WFDC1: variants seen among roughly 807,000 people sequenced by gnomAD.
The protein encoded by WFDC1 is WAP four-disulfide core domain protein 1.
In WFDC1, 39 loss-of-function variants were observed where a neutral mutation model predicts 32.9. The ratio of observed to expected loss-of-function variants is 1.19; its 90% CI spans 0.92 to 1.55. WFDC1 has a LOEUF of 1.55. Ranked by LOEUF, WFDC1 falls within the 40% of genes most tolerant of loss-of-function variation. WFDC1 has a pLI of 0.00. For missense variants in WFDC1, 386 were observed against 309.5 expected (o/e 1.25, Z -1.85); for synonymous variants, 184 against 137.4 (o/e 1.34, Z -2.37).
Position 84,319,578 on chromosome 16 carries a change from G to T in WFDC1, c.562+7G>T, listed in dbSNP as rs749695073. Reference sequence around the variant, plus strand: ...AAGCAGCGCCGGCAAGCAGGTGAGTGTGGCACCCCAGCCCTGATCCTGGCT... The same window carrying T: ...AAGCAGCGCCGGCAAGCAGGTGAGTTTGGCACCCCAGCCCTGATCCTGGCT... On this transcript the variant is annotated splice_region_variant and intron_variant, in intron 4 of 6. Coordinates refer to ENST00000219454, the MANE Select transcript of WFDC1 (RefSeq NM_021197.4). 3.1e-6 allele frequency: 5 copies of T among 1,611,410 alleles called. No homozygotes were observed. Among genetic ancestry groups the T allele is most frequent in the South Asian group, 1.1e-5 (1 of 91,038 alleles).
At chr16:84,299,304 G>A (rs565180190) in intron 1 of WFDC1, among the ~76,000 whole-genome samples, 1 of 152,164 alleles carries the variant, frequency 6.6e-6, no homozygotes, top group South Asian at 2.1e-4. Context: ...GGCGGAGGTT[G>A]CGGTGAGCCG....
At chr16:84,327,689 A>G (rs1002418030) in intron 6 of WFDC1, 1 of 152,214 alleles carries the variant, frequency 6.6e-6, no homozygotes, top group Non-Finnish European at 1.5e-5. Context: ...ATCCCTCTGA[A>G]TCAAAAATCC....
At chr16:84,316,897 G>C (rs945477967) in intron 2 of WFDC1, 1 of 151,948 alleles carries the variant, frequency 6.6e-6, no homozygotes, top group Non-Finnish European at 1.5e-5. Context: ...AGACTCGCTT[G>C]AACCCGGAAG....
chr16:84,319,259 C>G, intron 3 of WFDC1, 172 bp from the exon 4 acceptor site: 1 of 788,238 alleles, frequency 1.3e-6, no homozygotes, highest in East Asian at 2.7e-5. Flanking sequence ...TGCCACATGC[C>G]GCTGAGTGAG....
chr16:84,300,133 C>T (rs2151365900), intron 1 of WFDC1, among the ~76,000 whole-genome samples: 1 of 152,362 alleles, frequency 6.6e-6, no homozygotes, highest in East Asian at 1.9e-4. Flanking sequence ...TGAGTTCTGA[C>T]CTTCACCTTC....
intron 4 of WFDC1, among the ~76,000 whole-genome samples, chr16:84,322,845 C>G (rs1908387412): frequency 6.6e-6 from 1 of 152,198 alleles, no homozygotes; most frequent in Admixed American, 6.5e-5. Flanking sequence ...AGAAGCTGAG[C>G]TGCGGGGGCT....
In WFDC1 at chr16:84,298,828, G is replaced by A. The variant is rs182766694; in HGVS notation, c.144+3713G>A. Among the ~76,000 whole-genome samples, 257 of 152,268 alleles carry A rather than the reference G, an allele frequency of 1.7e-3. 4 individuals are homozygous for A. The highest frequency in any genetic ancestry group is 6.8e-3 in the Middle Eastern group (2 of 294). On this transcript the variant is annotated intron_variant, in intron 1 of 6. Coordinates refer to ENST00000219454, the MANE Select transcript of WFDC1 (RefSeq NM_021197.4). ...ATGAGCACGCTTGCCTTCCATTCCC[G>A]TGGGAGGCCCTTAGGAGAAGCTTCT...
chr16:84,295,454 G>C, intron 1 of WFDC1: 2 of 471,408 alleles, frequency 4.2e-6, no homozygotes, highest in South Asian at 4.6e-5. Flanking sequence ...CCGTCTCCCT[G>C]ATCAGTACCA....
At chr16:84,296,617 C>T (rs1906613279) in intron 1 of WFDC1, among the ~76,000 whole-genome samples, 1 of 152,128 alleles carries the variant, frequency 6.6e-6, no homozygotes, top group Non-Finnish European at 1.5e-5. Flanking sequence ...CTCCAGGGCT[C>T]ATATTCTCCA....
chr16:84,314,483 G>A (rs1434461842), intron 2 of WFDC1, among the ~76,000 whole-genome samples: 1 of 152,152 alleles, frequency 6.6e-6, no homozygotes, highest in Non-Finnish European at 1.5e-5. Context: ...ATTAGGGAAG[G>A]CGGCTCGAGA....
intron 1 of WFDC1, among the ~76,000 whole-genome samples, chr16:84,306,816 T>C (rs149879639): frequency 1.3e-5 from 2 of 152,280 alleles, no homozygotes; most frequent in East Asian, 3.9e-4. Context: ...CCGAAGAATA[T>C]TTACTGAGTA....
chr16:84,297,218 A>G (rs1359554574), intron 1 of WFDC1, among the ~76,000 whole-genome samples: 1 of 152,178 alleles, frequency 6.6e-6, no homozygotes, highest in Non-Finnish European at 1.5e-5. Context: ...ACTGGTCAGG[A>G]TGCAAGTGCT....
At chr16:84,322,187 G>GTGTGTGTGTC (rs1163343931) in intron 4 of WFDC1, among the ~76,000 whole-genome samples, 1 of 151,628 alleles carries the variant, frequency 6.6e-6, no homozygotes, top group Admixed American at 6.6e-5. Flanking sequence ...GTGTGTGTGT[G>GTGTGTGTGTC]TGTGAGCTTC....
At chr16:84,323,473 C>T (rs942000939) in intron 4 of WFDC1, among the ~76,000 whole-genome samples, 3 of 152,202 alleles carry the variant, frequency 2.0e-5, no homozygotes, top group Non-Finnish European at 4.4e-5. Context: ...CACGGCTAGT[C>T]ATGGGACATG....
chr16:84,324,350 GTTA>G, intron 4 of WFDC1, 66 bp from the exon 5 acceptor site: 1 of 1,423,814 alleles, frequency 7.0e-7, no homozygotes, highest in Non-Finnish European at 9.9e-7. Flanking sequence ...ATTCCTCAGT[GTTA>G]TTATGACAAC....
intron 1 of WFDC1, among the ~76,000 whole-genome samples, chr16:84,310,133 G>A (rs1019327841): frequency 6.6e-6 from 1 of 151,864 alleles, no homozygotes; most frequent in African/African-American, 2.4e-5. Context: ...TCGCTCACTG[G>A]TTAAATGCGA....
At chr16:84,308,749 C>T (rs2151372971) in intron 1 of WFDC1, among the ~76,000 whole-genome samples, 1 of 152,074 alleles carries the variant, frequency 6.6e-6, no homozygotes, top group Middle Eastern at 3.4e-3. Context: ...AGACGCCATC[C>T]TGAGTGTAGA....
chr16:84,315,157 C>T (rs915833970), intron 2 of WFDC1, among the ~76,000 whole-genome samples: 2 of 152,204 alleles, frequency 1.3e-5, no homozygotes, highest in African/African-American at 4.8e-5. Context: ...GTGTGGGGTC[C>T]TTCATTGCCA....
At position 84,297,346 on chromosome 16, in the gene WFDC1, G is replaced by A. The variant is rs79488324; in HGVS notation, c.144+2231G>A. Among the ~76,000 whole-genome samples the A allele has an allele frequency of 1.4e-4, 22 of 152,258 alleles. No homozygotes were observed. In the East Asian group the frequency reaches 3.5e-3, roughly 24 times the overall value. ...CAGAACAACTGTGCCAGCCAGGCAC[G>A]GTGGCTCATGCCTGTAATCCCAGCA... On this transcript the variant is annotated intron_variant, in intron 1 of 6. Coordinates refer to ENST00000219454, the MANE Select transcript of WFDC1 (RefSeq NM_021197.4).
Sources: allele counts gnomAD v4.1 joint callset (sites outside exome capture counted in the v4.1 genomes callset), GRCh38; gene constraint gnomAD v4.1.1; transcripts MANE v1.5; gene names NCBI Gene and HGNC (gene_info 2026-07-23, HGNC 2026-07-21).